NOL4: variants seen among roughly 807,000 people sequenced by gnomAD.
NOL4 encodes the protein cancer/testis antigen 125.
NOL4 carries 17 observed loss-of-function variants against 75.9 expected under a neutral mutation model. That is an observed-to-expected ratio of 0.22 (90% CI 0.15 to 0.34). The LOEUF is 0.34. Ranked by LOEUF, NOL4 falls within the 10% of genes least tolerant of loss-of-function variation. The pLI is 1.00. For synonymous variants in NOL4, 292 were observed against 289.9 expected (o/e 1.01, Z -0.07); for missense variants, 614 against 793.5 (o/e 0.77, Z 2.72).
intron 1 of NOL4, among the ~76,000 whole-genome samples, chr18:34,204,216 A>G (rs1295670733): frequency 1.3e-5 from 2 of 151,570 alleles, no homozygotes; most frequent in Non-Finnish European, 3.0e-5. Context: ...TAGTCTCTGC[A>G]ATTGGAGGAA....
At chr18:33,997,483 A>G (rs1157572845) in intron 6 of NOL4, among the ~76,000 whole-genome samples, 2 of 111,052 alleles carry the variant, frequency 1.8e-5, no homozygotes, top group African/African-American at 7.0e-5. Context: ...GCTCTGAAGT[A>G]TAGTTTGAGG....
At chr18:34,174,184 A>AAGTG (rs1352894715) in intron 1 of NOL4, among the ~76,000 whole-genome samples, 1 of 152,094 alleles carries the variant, frequency 6.6e-6, no homozygotes, top group African/African-American at 2.4e-5. Context: ...CCCGAAACTA[A>AAGTG]AGTGTCAGGC....
At chr18:34,208,193 C>T (rs549572040) in intron 1 of NOL4, among the ~76,000 whole-genome samples, 93 of 152,262 alleles carry the variant, frequency 6.1e-4, no homozygotes, top group Non-Finnish European at 1.1e-3. Context: ...TCCTCATTTA[C>T]CCTGCTATTG....
chr18:34,144,166 C>T lies in NOL4; in HGVS notation c.265-14146G>A, dbSNP rs568406449. ...ATAATTATTCATGACGAGTTTTGAG[C>T]ACATATTCCCTTTTAATATTAATTA... On this transcript the variant is annotated intron_variant, in intron 1 of 10. Coordinates refer to ENST00000261592, the MANE Select transcript of NOL4 (RefSeq NM_003787.5). Among the ~76,000 whole-genome samples the T allele has an allele frequency of 7.9e-5, 12 of 152,200 alleles. No homozygotes were observed. In the South Asian group the frequency reaches 2.5e-3, roughly 32 times the overall value.
chr18:33,923,790 T>C (rs1162883277), intron 9 of NOL4, among the ~76,000 whole-genome samples: 2 of 152,194 alleles, frequency 1.3e-5, no homozygotes, highest in East Asian at 3.8e-4. Context: ...TTACTAAGTA[T>C]AGACAAAGTA....
chr18:34,026,167 T>A (rs1018777085), intron 5 of NOL4, among the ~76,000 whole-genome samples: 1 of 152,196 alleles, frequency 6.6e-6, no homozygotes, highest in Non-Finnish European at 1.5e-5. Context: ...TTGCAAATTT[T>A]ATTTCCTAGG....
Position 33,851,849 on chromosome 18 carries a change from G to C in NOL4, c.*993C>G, listed in dbSNP as rs150618499. The C allele has an allele frequency of 6.6e-6, 1 of 152,438 alleles. No homozygotes were observed. Among genetic ancestry groups the C allele is most frequent in the South Asian group, 2.1e-4 (1 of 4,828 alleles). 9.4% of individuals were successfully genotyped at this position (152,438 alleles called of 1,614,324 possible). On this transcript the variant is annotated 3_prime_UTR_variant, in exon 11 of 11. Transcript: ENST00000261592. Reference sequence around the variant, plus strand: ...GTCTTTTTGGAAACTATTTCTGAAAGAAATGAAAAGAAAACTACACACAAG... The same window carrying C: ...GTCTTTTTGGAAACTATTTCTGAAACAAATGAAAAGAAAACTACACACAAG...
intron 1 of NOL4, chr18:34,183,729 A>G (rs762104587): frequency 6.6e-6 from 1 of 151,990 alleles, no homozygotes; most frequent in Admixed American, 6.6e-5. Flanking sequence ...TCAAAAGTCT[A>G]TATGTTCCAC....
chr18:33,946,043 T>C (rs2068812251), intron 8 of NOL4, among the ~76,000 whole-genome samples: 1 of 151,708 alleles, frequency 6.6e-6, no homozygotes, highest in African/African-American at 2.4e-5. Context: ...CTTTAAAAAA[T>C]CTGTATATAC....
chr18:33,877,865 T>C (rs1222741510), intron 10 of NOL4, among the ~76,000 whole-genome samples: 1 of 151,622 alleles, frequency 6.6e-6, no homozygotes, highest in Non-Finnish European at 1.5e-5. Flanking sequence ...CTATCATACA[T>C]GCTTCAGAGG....
At chr18:33,893,955 A>C (rs1555648668) in intron 9 of NOL4, among the ~76,000 whole-genome samples, 1 of 152,036 alleles carries the variant, frequency 6.6e-6, no homozygotes, top group Non-Finnish European at 1.5e-5. Flanking sequence ...TACCTCTAAG[A>C]TTTTCTACTG....
chr18:34,084,292 T>C (rs2078147105), intron 5 of NOL4, among the ~76,000 whole-genome samples: 1 of 152,100 alleles, frequency 6.6e-6, no homozygotes, highest in Non-Finnish European at 1.5e-5. Flanking sequence ...TGATCCAAGA[T>C]ACTGCGGTCG....
chr18:33,951,135 T>C (rs974323775), intron 8 of NOL4, among the ~76,000 whole-genome samples: 1 of 152,138 alleles, frequency 6.6e-6, no homozygotes, highest in Non-Finnish European at 1.5e-5. Flanking sequence ...GCTGCTAATT[T>C]TTTATTATTT....
chr18:34,019,473 C>T lies in NOL4; in HGVS notation c.901G>A (p.Glu301Lys), dbSNP rs754705376. The T allele has an allele frequency of 5.6e-6, 9 of 1,613,886 alleles. No homozygotes were observed. The African/African-American group carries it at 1.1e-4, about 19-fold the overall frequency. Residue 301 changes from glutamate to lysine, a missense_variant, in exon 6 of 11, where the codon GAA becomes AAA. Around this residue, in one of 9 missense-constraint regions of NOL4, gnomAD observed 196 missense variants for 167.9 expected, o/e 1.17. Coordinates refer to ENST00000261592, the MANE Select transcript of NOL4 (RefSeq NM_003787.5). Reference protein sequence around the residue: ...SDGKTGLEQDEQPLNLSDSPL... With the variant: ...SDGKTGLEQDKQPLNLSDSPL... ...CTGTCACTCAGGTTCAGTGGCTGTT[C>T]ATCTTGCTCCAGCCCAGTTTTGCCA...
chr18:33,888,982 AT>A (rs1440881789), intron 9 of NOL4, among the ~76,000 whole-genome samples: 1 of 152,000 alleles, frequency 6.6e-6, no homozygotes, highest in Non-Finnish European at 1.5e-5. Flanking sequence ...GAGCAAACAA[AT>A]CAAAAGCTAG....
intron 5 of NOL4, among the ~76,000 whole-genome samples, chr18:34,034,665 G>A (rs1171645797): frequency 3.3e-5 from 5 of 152,098 alleles, no homozygotes; most frequent in Middle Eastern, 3.4e-3. Context: ...CTTGAACTTC[G>A]GGAGGTGGAG....
At position 34,129,927 on chromosome 18, in the gene NOL4, C is replaced by G. The variant is rs2080559737; in HGVS notation, c.358G>C (p.Gly120Arg). The change falls in exon 2 of 11, where the codon GGG becomes CGG. Residue 120 changes from glycine (G) to arginine (R), a missense_variant. Coordinates refer to ENST00000261592, the MANE Select transcript of NOL4 (RefSeq NM_003787.5). ...DIIYSMHVET[G>R]PNGEQIRKHA... ...TTCCGAATTTGTTCTCCATTTGGCC[C>G]CGTTTCCACATGCATCGAATAAATA... is the stretch of plus-strand genomic sequence containing the variant. The G allele has an allele frequency of 6.3e-7, 1 of 1,597,896 alleles. No individual in the cohort carries two copies. The highest frequency in any genetic ancestry group is 8.5e-7 in the Non-Finnish European group (1 of 1,171,410).
At chr18:33,967,660 A>G (rs1404943844) in intron 6 of NOL4, among the ~76,000 whole-genome samples, 1 of 152,228 alleles carries the variant, frequency 6.6e-6, no homozygotes, top group African/African-American at 2.4e-5. Flanking sequence ...AAGGACATTA[A>G]TAGACATTTC....
At chr18:33,957,175 G>A (rs2145727120) in intron 8 of NOL4, 151 bp downstream of exon 8, 3 of 566,958 alleles carry the variant, frequency 5.3e-6, no homozygotes, top group Middle Eastern at 3.6e-4. Context: ...AAAAGGAGAA[G>A]GGGAAAAAAC....
Sources: gnomAD v4.1 joint callset for allele counts (sites outside exome capture counted in the v4.1 genomes callset) on GRCh38, gnomAD v4.1.1 for gene constraint, gnomAD v4.1.1 regional missense constraint, MANE v1.5 for transcripts, NCBI Gene and HGNC (gene_info 2026-07-23, HGNC 2026-07-21) for gene names.